The following DAPK1 variants were observed in gnomAD, a reference collection of about 807,000 sequenced individuals.
DAPK1 encodes death associated protein kinase 1, also known as death-associated protein kinase 1.
Under a neutral mutation model 144.9 loss-of-function variants are expected in DAPK1, and 56 were observed. That is an observed-to-expected ratio of 0.39 (90% CI 0.31 to 0.48). DAPK1 has a LOEUF of 0.48. DAPK1 is among the 20% of genes least tolerant of loss of function. DAPK1 has a pLI of 0.95. For missense variants in DAPK1, 1,454 were observed against 1,875.4 expected (o/e 0.78, Z 4.15); for synonymous variants, 690 against 749.0 (o/e 0.92, Z 1.29).
chr9:87,542,045 C>T (rs370833421), intron 2 of DAPK1, among the ~76,000 whole-genome samples: 16 of 152,162 alleles, frequency 1.1e-4, no homozygotes, highest in Non-Finnish European at 2.1e-4. Context: ...TATAAACCCT[C>T]GGTTCTGATG....
intron 2 of DAPK1, among the ~76,000 whole-genome samples, chr9:87,593,663 T>C (rs1352963608): frequency 2.6e-5 from 4 of 152,218 alleles, no homozygotes; most frequent in South Asian, 4.1e-4. Context: ...TCTTCTTCTT[T>C]TGGCCATGGA....
intron 10 of DAPK1, among the ~76,000 whole-genome samples, chr9:87,642,664 G>T (rs1830136297): frequency 6.6e-6 from 1 of 152,188 alleles, no homozygotes; most frequent in South Asian, 2.1e-4. Flanking sequence ...CCTAGAGGAA[G>T]TGGGTACCTA....
intron 2 of DAPK1, among the ~76,000 whole-genome samples, chr9:87,584,877 A>C (rs1048660949): frequency 4.6e-5 from 7 of 152,148 alleles, no homozygotes; most frequent in African/African-American, 1.4e-4. Context: ...GGGTTTCACC[A>C]TGTTAGCTAG....
At chr9:87,559,599 T>C (rs1363659481) in intron 2 of DAPK1, among the ~76,000 whole-genome samples, 3 of 152,184 alleles carry the variant, frequency 2.0e-5, no homozygotes, top group African/African-American at 7.2e-5. Flanking sequence ...AAGCAGGATG[T>C]AGGACGCCTT....
chr9:87,669,547 T>A (rs1393151846), intron 19 of DAPK1, among the ~76,000 whole-genome samples: 1 of 148,652 alleles, frequency 6.7e-6, no homozygotes, highest in Admixed American at 6.7e-5. Flanking sequence ...ACAATGGTAA[T>A]CATTTTTTTA....
At chr9:87,675,848 T>G (rs1051935423) in intron 19 of DAPK1, among the ~76,000 whole-genome samples, 1 of 117,318 alleles carries the variant, frequency 8.5e-6, no homozygotes, top group Admixed American at 8.8e-5. Context: ...CATTCTACCC[T>G]ACACACACAC....
chr9:87,607,582 AT>A (rs765188446), intron 3 of DAPK1, among the ~76,000 whole-genome samples: 2 of 151,608 alleles, frequency 1.3e-5, no homozygotes, highest in Non-Finnish European at 1.5e-5. Context: ...GCATACAATT[AT>A]TTTTTTTTAC....
chr9:87,570,111 T>C (rs1273732245), intron 2 of DAPK1, among the ~76,000 whole-genome samples: 1 of 152,058 alleles, frequency 6.6e-6, no homozygotes, highest in Non-Finnish European at 1.5e-5. Context: ...TATTTTTTTT[T>C]AATCACTTTG....
chr9:87,649,416 A>G (rs1180820386), intron 15 of DAPK1, among the ~76,000 whole-genome samples: 2 of 152,240 alleles, frequency 1.3e-5, no homozygotes, highest in East Asian at 1.9e-4. Context: ...TGCCAAAGCA[A>G]CAATACTGTT....
chr9:87,659,841 C>A (rs180920637), intron 18 of DAPK1, among the ~76,000 whole-genome samples: 1 of 150,930 alleles, frequency 6.6e-6, no homozygotes. Context: ...GCAGTCACTC[C>A]GCACACACCG....
At chr9:87,580,489 A>G (rs1362222867) in intron 2 of DAPK1, among the ~76,000 whole-genome samples, 3 of 152,184 alleles carry the variant, frequency 2.0e-5, no homozygotes, top group Non-Finnish European at 2.9e-5. Context: ...CTTTTTAGAC[A>G]ACTTGCCCTA....
chr9:87,648,811 C>T lies in DAPK1; in HGVS notation c.1360C>T (p.Arg454Cys), dbSNP rs750225949. The T allele has an allele frequency of 3.6e-5, 58 of 1,614,100 alleles. No individual in the cohort carries two copies. The highest frequency in any genetic ancestry group is 5.0e-5 in the Admixed American group (3 of 60,010). ...SGEMALHVAA[R>C]YGHADVAQLL... ...AGAGATGGCCCTCCACGTGGCAGCTCGCTATGGCCATGCTGACGTGGCTCA... is the reference window on the plus strand; with the variant it reads ...AGAGATGGCCCTCCACGTGGCAGCTTGCTATGGCCATGCTGACGTGGCTCA... Residue 454 changes from arginine (R) to cysteine (C), a missense_variant, in exon 15 of 26, where the codon CGC (arginine) becomes TGC (cysteine). By Grantham distance (180) the Arg-to-Cys change is radical. Coordinates refer to ENST00000408954, the MANE Select transcript of DAPK1 (RefSeq NM_004938.4).
chr9:87,662,567 T>G (rs796425130), intron 18 of DAPK1, among the ~76,000 whole-genome samples: 1 of 129,230 alleles, frequency 7.7e-6, no homozygotes, highest in African/African-American at 2.9e-5. Flanking sequence ...CTAGTTTTTT[T>G]TTTTTTTTTT....
intron 3 of DAPK1, among the ~76,000 whole-genome samples, chr9:87,636,166 T>G (rs1156427186): frequency 6.6e-6 from 1 of 151,456 alleles, no homozygotes; most frequent in Non-Finnish European, 1.5e-5. Context: ...GGGTGGGGAG[T>G]GCAGGGAAGG....
At chr9:87,683,086 T>TGTA (rs1824701045) in intron 20 of DAPK1, among the ~76,000 whole-genome samples, 1 of 89,756 alleles carries the variant, frequency 1.1e-5, no homozygotes, top group African/African-American at 4.4e-5. Flanking sequence ...ATTTTATTTA[T>TGTA]TTTTTTTTTT....
chr9:87,534,562 T>C (rs1825801618), intron 2 of DAPK1, among the ~76,000 whole-genome samples: 1 of 152,176 alleles, frequency 6.6e-6, no homozygotes, highest in African/African-American at 2.4e-5. Flanking sequence ...GTAAGCACTG[T>C]TGGGACAGGT....
chr9:87,551,926 C>T (rs1011029547), intron 2 of DAPK1, among the ~76,000 whole-genome samples: 11 of 152,162 alleles, frequency 7.2e-5, no homozygotes, highest in African/African-American at 2.2e-4. Flanking sequence ...CAGATGCCTC[C>T]GTGGGCAGCC....
In DAPK1 at chr9:87,686,600, G is replaced by A; in HGVS notation, c.2274G>A (p.Val758=). 1 of 1,602,194 alleles carries A rather than the reference G, an allele frequency of 6.2e-7. No homozygotes were observed. The highest frequency in any genetic ancestry group is 2.2e-5 in the East Asian group (1 of 44,482). ...NLYPGCENVS[V]RSRSMMFEPG... ...ACCCAGGCTGCGAGAACGTGAGTGT[G>A]AGGAGCCGCAGCATGATGTTCGAGC... The change falls in exon 21 of 26, where the codon GTG becomes GTA. Residue 758 remains valine, a synonymous_variant. Coordinates refer to ENST00000408954, the MANE Select transcript of DAPK1 (RefSeq NM_004938.4). The surrounding 1 kb of genome is among the most constrained non-coding windows in gnomAD (Gnocchi z 4.2).
chr9:87,533,107 T>A (rs763722739), intron 2 of DAPK1, among the ~76,000 whole-genome samples: 1 of 152,326 alleles, frequency 6.6e-6, no homozygotes, highest in East Asian at 1.9e-4. Flanking sequence ...CTTAAAAAAA[T>A]ATGTGTGCCT....
Sources: allele counts gnomAD v4.1 joint callset (sites outside exome capture counted in the v4.1 genomes callset), GRCh38; gene constraint gnomAD v4.1.1; non-coding constraint Gnocchi (gnomAD v3.1); transcripts MANE v1.5; gene names NCBI Gene and HGNC (gene_info 2026-07-23, HGNC 2026-07-21).